The following STARD9 variants were observed in gnomAD, a reference collection of about 807,000 sequenced individuals.
STARD9 encodes stAR-related lipid transfer protein 9.
Under a neutral mutation model 399.8 loss-of-function variants are expected in STARD9, and 346 were observed. The observed-to-expected ratio is 0.87, with a 90% CI of 0.79 to 0.95. STARD9 has a LOEUF of 0.95. Ranked by LOEUF, STARD9 falls within the 40% of genes least tolerant of loss-of-function variation. The pLI is 0.00. For missense variants in STARD9, 5,832 were observed against 5,667.5 expected (o/e 1.03, Z -0.93); for synonymous variants, 2,203 against 2,143.5 (o/e 1.03, Z -0.77).
chr15:42,639,353 C>G (rs2141939545), intron 7 of STARD9, among the ~76,000 whole-genome samples: 1 of 152,300 alleles, frequency 6.6e-6, no homozygotes, highest in East Asian at 1.9e-4. Context: ...ATGGCCTCTA[C>G]TGGTTCCCTG....
intron 9 of STARD9, among the ~76,000 whole-genome samples, chr15:42,657,101 A>G (rs2059890846): frequency 6.6e-6 from 1 of 152,206 alleles, no homozygotes; most frequent in Non-Finnish European, 1.5e-5. Flanking sequence ...TCAAGCCTGT[A>G]ATCCCAGCAC....
chr15:42,668,375 A>AT (rs1485931275), intron 15 of STARD9, among the ~76,000 whole-genome samples: 6 of 150,688 alleles, frequency 4.0e-5, no homozygotes, highest in African/African-American at 1.5e-4. Context: ...AGCTAAATCT[A>AT]ATTTTTTTTT....
chr15:42,611,684 T>C (rs2058853150), intron 3 of STARD9, among the ~76,000 whole-genome samples: 2 of 152,174 alleles, frequency 1.3e-5, no homozygotes, highest in Admixed American at 6.5e-5. Flanking sequence ...GTGTCTACTT[T>C]ATGCTTGTTG....
intron 3 of STARD9, among the ~76,000 whole-genome samples, chr15:42,621,825 G>T (rs932018751): frequency 6.6e-6 from 1 of 152,170 alleles, no homozygotes; most frequent in South Asian, 2.1e-4. Flanking sequence ...AGTGGAAAAT[G>T]ATATTTAGAA....
At position 42,628,682 on chromosome 15, in the gene STARD9, A is replaced by T. The variant is rs560706206; in HGVS notation, c.235-6174A>T. ...GTTTTCCCAGCACCATTTGTTGAAG[A>T]GACTGTCTTCTCCCCTGTGTATGTT... On this transcript the variant is annotated intron_variant, in intron 3 of 32. Transcript: ENST00000290607. Among the ~76,000 whole-genome samples the T allele has an allele frequency of 4.6e-5, 7 of 152,244 alleles. No homozygotes were observed. The East Asian group carries it at 1.2e-3, about 25-fold the overall frequency.
At chr15:42,702,224 G>C (rs2140340026) in intron 26 of STARD9, among the ~76,000 whole-genome samples, 1 of 152,018 alleles carries the variant, frequency 6.6e-6, no homozygotes, top group South Asian at 2.1e-4. Flanking sequence ...TGTTTTTTTA[G>C]TCAGAGTCTT....
At chr15:42,713,082 G>A (rs2061280044) in intron 26 of STARD9, among the ~76,000 whole-genome samples, 1 of 152,102 alleles carries the variant, frequency 6.6e-6, no homozygotes, top group South Asian at 2.1e-4. Context: ...TGTGAATATG[G>A]GATGTCATTG....
intron 28 of STARD9, 75 bp downstream of exon 28, chr15:42,717,123 GGAA>G: frequency 6.7e-7 from 1 of 1,497,000 alleles, no homozygotes; most frequent in Non-Finnish European, 8.9e-7. Flanking sequence ...AGAGAAAGTA[GGAA>G]AAAAGCTGGG....
intron 26 of STARD9, among the ~76,000 whole-genome samples, chr15:42,707,492 C>CA (rs1292381825): frequency 1.5e-5 from 2 of 135,390 alleles, no homozygotes; most frequent in East Asian, 4.3e-4. Flanking sequence ...TTTTTTGAGA[C>CA]AGAGTCTTGC....
chr15:42,694,951 G>T (rs2140307469), intron 24 of STARD9, among the ~76,000 whole-genome samples, 189 bp from the exon 25 acceptor site: 1 of 152,282 alleles, frequency 6.6e-6, no homozygotes, highest in East Asian at 1.9e-4. Context: ...GCAGGCCTGG[G>T]TCTCAAGGTG....
intron 26 of STARD9, among the ~76,000 whole-genome samples, chr15:42,698,713 A>G (rs1476278717): frequency 6.6e-6 from 1 of 152,146 alleles, no homozygotes; most frequent in African/African-American, 2.4e-5. Flanking sequence ...TCTTCAATCC[A>G]CAATTATAAA....
Position 42,685,976 on chromosome 15 carries a change from G to T in STARD9, c.4398G>T (p.Leu1466=). 6.5e-7 allele frequency: 1 copy of T among 1,537,260 alleles called. No homozygotes were observed. The change falls in exon 23 of 33, where the codon CTG becomes CTT. Residue 1466 remains leucine (L), a synonymous_variant. Transcript: ENST00000290607. ...ACAATTCTAGCGTATCAAACGTGCTGGCTGCCTCTGCCACCACCTTGACTC... is the reference window on the plus strand; with the variant it reads ...ACAATTCTAGCGTATCAAACGTGCTTGCTGCCTCTGCCACCACCTTGACTC... The part of the protein sequence containing the change: ...ASHNSSVSNV[L]AASATTLTHV...
At chr15:42,590,437 G>A (rs1450368291) in intron 3 of STARD9, among the ~76,000 whole-genome samples, 1 of 152,090 alleles carries the variant, frequency 6.6e-6, no homozygotes, top group East Asian at 1.9e-4. Context: ...AATATCTGAG[G>A]GAACTATCTA....
At chr15:42,714,501 T>C (rs958063851) in intron 26 of STARD9, among the ~76,000 whole-genome samples, 3 of 152,250 alleles carry the variant, frequency 2.0e-5, no homozygotes, top group Non-Finnish European at 4.4e-5. Flanking sequence ...TTTTTAAAGC[T>C]AAAAATTTCC....
At chr15:42,642,943 C>T (rs1008064967) in intron 7 of STARD9, among the ~76,000 whole-genome samples, 1 of 152,030 alleles carries the variant, frequency 6.6e-6, no homozygotes. Flanking sequence ...ATACTACAGA[C>T]ATGTGCCATC....
intron 9 of STARD9, among the ~76,000 whole-genome samples, chr15:42,654,595 A>G (rs1466682181): frequency 6.6e-6 from 1 of 152,210 alleles, no homozygotes; most frequent in African/African-American, 2.4e-5. Context: ...TCAAGATACA[A>G]AATTAATGTA....
rs1026735612 is a variant in STARD9 at position 42,614,094 on chromosome 15, C to T, written c.235-20762C>T. Reference sequence around the variant, plus strand: ...TTGGAAGGCTGAGGCGGGCAGATCACAAGGTCAGGAGTTCAAGACTGCCCT... The same window carrying T: ...TTGGAAGGCTGAGGCGGGCAGATCATAAGGTCAGGAGTTCAAGACTGCCCT... On this transcript the variant is annotated intron_variant, in intron 3 of 32. Coordinates refer to ENST00000290607, the MANE Select transcript of STARD9 (RefSeq NM_020759.3). Among the ~76,000 whole-genome samples the T allele has an allele frequency of 1.3e-5, 2 of 151,926 alleles. 1 individual carries two copies.
chr15:42,688,274 T>G lies in STARD9; in HGVS notation c.6696T>G (p.Ser2232Arg). 6.5e-7 allele frequency: 1 copy of G among 1,537,534 alleles called. No homozygotes were observed. The highest frequency in any genetic ancestry group is 8.7e-7 in the Non-Finnish European group (1 of 1,146,994). The change falls in exon 23 of 33, where the codon AGT (serine) becomes AGG (arginine). Residue 2232 changes from serine (S) to arginine (R), a missense_variant. Physicochemically the swap from Ser to Arg is moderately radical, Grantham distance 110 (BLOSUM62 -1). Coordinates refer to ENST00000290607, the MANE Select transcript of STARD9 (RefSeq NM_020759.3). ...GCCAGTTTGTAAAAGCATCAGCAAG[T>G]CTCAAAGGGCAGCCTTGGGGCTTAG... ...NNGQFVKASASLKGQPWGLGS... is the reference protein window; with the variant it reads ...NNGQFVKASARLKGQPWGLGS...
At chr15:42,599,056 T>TGG (rs2058572277) in intron 3 of STARD9, among the ~76,000 whole-genome samples, 1 of 152,150 alleles carries the variant, frequency 6.6e-6, no homozygotes, top group Non-Finnish European at 1.5e-5. Flanking sequence ...CCCAAGTAGC[T>TGG]GGGATTACAG....
Sources: gnomAD v4.1 joint callset for allele counts (sites outside exome capture counted in the v4.1 genomes callset) on GRCh38, gnomAD v4.1.1 for gene constraint, MANE v1.5 for transcripts, NCBI Gene and HGNC (gene_info 2026-07-23, HGNC 2026-07-21) for gene names.